The following PRR23C variants were observed in gnomAD, a reference collection of about 807,000 sequenced individuals.
PRR23C encodes proline rich 23C.
PRR23C carries 1 observed loss-of-function variant against 0.1 expected under a neutral mutation model. That is an observed-to-expected ratio of 6.80 (90% confidence interval 2.41 to 32.24). The LOEUF (loss-of-function observed/expected upper bound fraction) is 32.24, where lower values mean the gene tolerates loss of function less well. Ranked by LOEUF, PRR23C falls within the 30% of genes most tolerant of loss-of-function variation. The pLI, the probability that PRR23C is intolerant of heterozygous loss-of-function variation, is 0.11. For missense variants in PRR23C, 361 were observed against 370.4 expected (o/e 0.97, Z 0.21); for synonymous variants, 172 against 168.1 (o/e 1.02, Z -0.18).
the PRR23C span, chr3:139,044,384 C>CACCA: frequency 2.5e-6 from 4 of 1,583,466 alleles, no homozygotes; most frequent in Admixed American, 7.3e-5. The surrounding 1 kb of genome is among the most constrained non-coding windows in gnomAD (Gnocchi z 7.5). Context: ...CGAGCTCCAG[C>CACCA]ACCAGGTCGA....
Position 139,044,233 on chromosome 3 carries a change from C to G in PRR23C, c.388G>C (p.Ala130Pro). 1 of 1,610,954 alleles carries G rather than the reference C, an allele frequency of 6.2e-7. No homozygotes were observed. Among genetic ancestry groups the G allele is most frequent in the Non-Finnish European group, 8.5e-7 (1 of 1,178,576 alleles). The change falls in exon 1 of 1, where the codon GCT becomes CCT. Residue 130 changes from alanine (A) to proline (P), a missense_variant. Ala to Pro is a conservative substitution (Grantham distance 27, BLOSUM62 -1). Coordinates refer to ENST00000413199, the MANE Select transcript of PRR23C (RefSeq NM_001134657.1). This position sits in a 1 kb window ranked among gnomAD's most constrained non-coding sequence, Gnocchi z 7.5. The stretch of plus-strand genomic sequence containing the variant: ...TCGACGACGACGTCTTCCCCGTGAG[C>G]GCCCAGGAAAACGTCCACTTCCAGG... ...AGLEVDVFLG[A>P]HGEDVVVEQE...
Position 139,043,818 on chromosome 3 carries a change from T to C in PRR23C, c.*14A>G, listed in dbSNP as rs1157948081. 4 of 1,514,528 alleles carry C rather than the reference T, an allele frequency of 2.6e-6. No individual in the cohort carries two copies. Among genetic ancestry groups the C allele is most frequent in the African/African-American group, 1.4e-5 (1 of 71,770 alleles). 93.8% of individuals were successfully genotyped at this position (1,514,528 alleles called of 1,614,324 possible). On this transcript the variant is annotated 3_prime_UTR_variant, in exon 1 of 1. Coordinates refer to ENST00000413199, the MANE Select transcript of PRR23C (RefSeq NM_001134657.1). ...TGGAGCCCAGCAGGGTGGCAAGGGA[T>C]TGTGGGAGGCAACTCATTCCTGGAA...
chr3:139,044,707 G>GT lies in PRR23C; in HGVS notation c.-88dup. ...TCGGGGCGGCGAAGTCCTCTTTGAGGTAACAGGTGTCGGCAGGACCGCGCG... is the reference window on the plus strand; with the variant it reads ...TCGGGGCGGCGAAGTCCTCTTTGAGGTTAACAGGTGTCGGCAGGACCGCGCG... On this transcript the variant is annotated 5_prime_UTR_variant, in exon 1 of 1. Coordinates refer to ENST00000413199, the MANE Select transcript of PRR23C (RefSeq NM_001134657.1). This position sits in a 1 kb window ranked among gnomAD's most constrained non-coding sequence, Gnocchi z 7.5. The GT allele has an allele frequency of 7.3e-7, 1 of 1,376,970 alleles. No individual in the cohort carries two copies. Among genetic ancestry groups the GT allele is most frequent in the Non-Finnish European group, 9.5e-7 (1 of 1,055,156 alleles). The allele number at this position is 1,376,970 out of a possible 1,614,324, so 85.3% of individuals were successfully genotyped here.
At position 139,042,425 on chromosome 3, in the gene PRR23C, G is replaced by T. The variant is rs1448428133; in HGVS notation, c.*1407C>A. ...AAGCAAAAATTCAACAGTTTTTCAT[G>T]ATCTGAAAGACTGAAAATTAACTGC... is the stretch of plus-strand genomic sequence containing the variant. On this transcript the variant is annotated 3_prime_UTR_variant, in exon 1 of 1. Coordinates refer to ENST00000413199, the MANE Select transcript of PRR23C (RefSeq NM_001134657.1). The T allele has an allele frequency of 1.3e-5, 2 of 152,122 alleles. No homozygotes were observed. The highest frequency in any genetic ancestry group is 2.4e-5 in the African/African-American group (1 of 41,418). The allele number at this position is 152,122 out of a possible 1,614,324, so 9.4% of individuals were successfully genotyped here. A position where few individuals can be genotyped will look rare whatever the true frequency, so the allele number is the denominator to read the frequency against.
rs1559943298 is a variant in PRR23C, at chr3:139,044,029, A to T, written c.592T>A (p.Cys198Ser). ...PYREGPIRGPCALAPNPSSER... is the reference protein window; with the variant it reads ...PYREGPIRGPSALAPNPSSER... ...GAACTGGGGTTGGGGGCCAGAGCACAGGGCCCTCGGATGGGGCCCTCCCGG... is the reference window on the plus strand; with the variant it reads ...GAACTGGGGTTGGGGGCCAGAGCACTGGGCCCTCGGATGGGGCCCTCCCGG... Residue 198 changes from cysteine (C) to serine (S), a missense_variant, in exon 1 of 1, where the codon TGT (cysteine) becomes AGT (serine). Physicochemically the swap from Cys to Ser is moderately radical, Grantham distance 112. Coordinates refer to ENST00000413199, the MANE Select transcript of PRR23C (RefSeq NM_001134657.1). This position sits in a 1 kb window ranked among gnomAD's most constrained non-coding sequence, Gnocchi z 7.5. 6.2e-7 allele frequency: 1 copy of T among 1,613,536 alleles called. No individual in the cohort carries two copies. The highest frequency in any genetic ancestry group is 1.1e-5 in the South Asian group (1 of 90,960).
Position 139,044,649 on chromosome 3 carries a change from C to T in PRR23C, c.-29G>A. On this transcript the variant is annotated 5_prime_UTR_variant, in exon 1 of 1. Coordinates refer to ENST00000413199, the MANE Select transcript of PRR23C (RefSeq NM_001134657.1). This position sits in a 1 kb window ranked among gnomAD's most constrained non-coding sequence, Gnocchi z 7.5. ...CTCGACGGCGCTGCGGACGGCGCTCCTGGGCCTGGCAGGGGACGTGGGTGC... is the reference window on the plus strand; with the variant it reads ...CTCGACGGCGCTGCGGACGGCGCTCTTGGGCCTGGCAGGGGACGTGGGTGC... The T allele has an allele frequency of 2.7e-6, 4 of 1,463,778 alleles. No individual in the cohort carries two copies. The highest frequency in any genetic ancestry group is 1.5e-5 in the African/African-American group (1 of 67,534). The allele number at this position is 1,463,778 out of a possible 1,614,324, so 90.7% of individuals were successfully genotyped here.
chr3:139,043,801 A>G lies in PRR23C; in HGVS notation c.*31T>C. Reference sequence around the variant, plus strand: ...ATCAGGAGACGGTCTCCTGGAGCCCAGCAGGGTGGCAAGGGATTGTGGGAG... The same window carrying G: ...ATCAGGAGACGGTCTCCTGGAGCCCGGCAGGGTGGCAAGGGATTGTGGGAG... On this transcript the variant is annotated 3_prime_UTR_variant, in exon 1 of 1. Coordinates refer to ENST00000413199, the MANE Select transcript of PRR23C (RefSeq NM_001134657.1). The G allele has an allele frequency of 6.7e-7, 1 of 1,494,934 alleles. No individual in the cohort carries two copies. 92.6% of individuals were successfully genotyped at this position (1,494,934 alleles called of 1,614,324 possible). A position where few individuals can be genotyped will look rare whatever the true frequency, so the allele number is the denominator to read the frequency against.
Position 139,044,072 on chromosome 3 carries a change from T to C in PRR23C, c.549A>G (p.Arg183=). 1 of 1,613,504 alleles carries C rather than the reference T, an allele frequency of 6.2e-7. No homozygotes were observed. The highest frequency in any genetic ancestry group is 8.5e-7 in the Non-Finnish European group (1 of 1,179,720). The change falls in exon 1 of 1, where the codon AGA becomes AGG. Residue 183 remains arginine, a synonymous_variant. Transcript: ENST00000413199. This position sits in a 1 kb window ranked among gnomAD's most constrained non-coding sequence, Gnocchi z 7.5. The part of the protein sequence containing the change: ...GSAAGLYPSA[R]SMFSPYREGP... The stretch of plus-strand genomic sequence containing the variant: ...CCTCCCGGTAGGGGCTGAACATACT[T>C]CTAGCGGAGGGGTAGAGCCCAGCGG...
Position 139,043,820 on chromosome 3 carries a change from G to A in PRR23C, c.*12C>T. The stretch of plus-strand genomic sequence containing the variant: ...GAGCCCAGCAGGGTGGCAAGGGATT[G>A]TGGGAGGCAACTCATTCCTGGAACA... On this transcript the variant is annotated 3_prime_UTR_variant, in exon 1 of 1. Transcript: ENST00000413199. 1.3e-6 allele frequency: 2 copies of A among 1,518,442 alleles called. No homozygotes were observed. 94.1% of individuals were successfully genotyped at this position (1,518,442 alleles called of 1,614,324 possible).
In PRR23C at chr3:139,043,242, A is replaced by G. The variant is rs529698776; in HGVS notation, c.*590T>C. ...ATTTGCTAAACCAATCATGAAAAAA[A>G]GGAGGGTACATGATCATTATTCCCA... On this transcript the variant is annotated 3_prime_UTR_variant, in exon 1 of 1. Coordinates refer to ENST00000413199, the MANE Select transcript of PRR23C (RefSeq NM_001134657.1). 1 of 152,354 alleles carries G rather than the reference A, an allele frequency of 6.6e-6. No homozygotes were observed. Among genetic ancestry groups the G allele is most frequent in the East Asian group, 1.9e-4 (1 of 5,194 alleles). The allele number at this position is 152,354 out of a possible 1,614,324, so 9.4% of individuals were successfully genotyped here. A position where few individuals can be genotyped will look rare whatever the true frequency, so the allele number is the denominator to read the frequency against.
rs1937173898 is a variant in PRR23C at position 139,044,138 on chromosome 3, A to G, written c.483T>C (p.Ser161=). The G allele has an allele frequency of 6.2e-7, 1 of 1,612,972 alleles. No homozygotes were observed. The highest frequency in any genetic ancestry group is 1.3e-5 in the African/African-American group (1 of 74,940). ...AGTCCATCCAGAGCTCCGGGAACTC[A>G]GAGTCCGCGTCCTCCTCGTAGGCCT... ...EEEAYEEDAD[S]EFPELWMDSA... Residue 161 remains serine, a synonymous_variant, in exon 1 of 1, where the codon TCT becomes TCC. Transcript: ENST00000413199. The surrounding 1 kb of genome is among the most constrained non-coding windows in gnomAD (Gnocchi z 7.5).
the PRR23C span, chr3:139,044,052 C>CGGTAG: frequency 6.2e-7 from 1 of 1,613,532 alleles, no homozygotes; most frequent in Non-Finnish European, 8.5e-7. The surrounding 1 kb of genome is among the most constrained non-coding windows in gnomAD (Gnocchi z 7.5). Flanking sequence ...GGGGCCCTCC[C>CGGTAG]GGTAGGGGCT....
chr3:139,043,913 AGAGG>A, the PRR23C span: 1 of 1,595,834 alleles, frequency 6.3e-7, no homozygotes. Flanking sequence ...CTGGACTCGG[AGAGG>A]GAGGTAGAGG....
rs775249376 is a variant in PRR23C, at chr3:139,044,403, A to G, written c.218T>C (p.Leu73Pro). 6.4e-7 allele frequency: 1 copy of G among 1,571,512 alleles called. No individual in the cohort carries two copies. The highest frequency in any genetic ancestry group is 1.2e-5 in the South Asian group (1 of 85,608). The change falls in exon 1 of 1, where the codon CTG becomes CCG. Residue 73 changes from leucine to proline, a missense_variant. Coordinates refer to ENST00000413199, the MANE Select transcript of PRR23C (RefSeq NM_001134657.1). This position sits in a 1 kb window ranked among gnomAD's most constrained non-coding sequence, Gnocchi z 7.5. ...LDAGCALRVP[L>P]EDVDLVLELA... is the part of the protein sequence containing the mutation. The stretch of plus-strand genomic sequence containing the variant: ...CTCCAGCACCAGGTCGACGTCCTCC[A>G]GGGGCACACGCAGGGCACAGCCCGC...
rs1438685996 is a variant in PRR23C, at chr3:139,043,826, G to A, written c.*6C>T. On this transcript the variant is annotated 3_prime_UTR_variant, in exon 1 of 1. Transcript: ENST00000413199. ...AGCAGGGTGGCAAGGGATTGTGGGA[G>A]GCAACTCATTCCTGGAACAGGCGTC... 3.4e-5 allele frequency: 52 copies of A among 1,522,478 alleles called. No homozygotes were observed. The highest frequency in any genetic ancestry group is 4.3e-5 in the Non-Finnish European group (49 of 1,134,984). The allele number at this position is 1,522,478 out of a possible 1,614,324, so 94.3% of individuals were successfully genotyped here.
rs776258606 is a variant in PRR23C at position 139,044,226 on chromosome 3, C to T, written c.395G>A (p.Gly132Glu). 3 of 1,611,404 alleles carry T rather than the reference C, an allele frequency of 1.9e-6. No homozygotes were observed. In the South Asian group the frequency reaches 3.3e-5, roughly 18 times the overall value. The change falls in exon 1 of 1, where the codon GGG (glycine) becomes GAG (glutamate). Residue 132 changes from glycine (G) to glutamate (E), a missense_variant. Coordinates refer to ENST00000413199, the MANE Select transcript of PRR23C (RefSeq NM_001134657.1). The surrounding 1 kb of genome is among the most constrained non-coding windows in gnomAD (Gnocchi z 7.5). Reference sequence around the variant, plus strand: ...TTCCTGCTCGACGACGACGTCTTCCCCGTGAGCGCCCAGGAAAACGTCCAC... The same window carrying T: ...TTCCTGCTCGACGACGACGTCTTCCTCGTGAGCGCCCAGGAAAACGTCCAC... The part of the protein sequence containing the change: ...LEVDVFLGAH[G>E]EDVVVEQEVC...
Position 139,044,626 on chromosome 3 carries a change from C to T in PRR23C, c.-6G>A. ...CTGCAGGGCCGGCTGCCCATCACCT[C>T]GACGGCGCTGCGGACGGCGCTCCTG... On this transcript the variant is annotated 5_prime_UTR_variant, in exon 1 of 1. Coordinates refer to ENST00000413199, the MANE Select transcript of PRR23C (RefSeq NM_001134657.1). The surrounding 1 kb of genome is among the most constrained non-coding windows in gnomAD (Gnocchi z 7.5). 2 of 1,494,536 alleles carry T rather than the reference C, an allele frequency of 1.3e-6. No individual in the cohort carries two copies. The allele number at this position is 1,494,536 out of a possible 1,614,324, so 92.6% of individuals were successfully genotyped here.
chr3:139,043,768 C>A lies in PRR23C; in HGVS notation c.*64G>T. On this transcript the variant is annotated 3_prime_UTR_variant, in exon 1 of 1. Coordinates refer to ENST00000413199, the MANE Select transcript of PRR23C (RefSeq NM_001134657.1). ...CCTTGTAGGTTGCGCAACATACACA[C>A]AACGGCTATCAGGAGACGGTCTCCT... The A allele has an allele frequency of 7.1e-7, 1 of 1,408,468 alleles. No individual in the cohort carries two copies. The highest frequency in any genetic ancestry group is 1.5e-5 in the South Asian group (1 of 67,586). The allele number at this position is 1,408,468 out of a possible 1,614,324, so 87.2% of individuals were successfully genotyped here.
rs1937168630 is a variant in PRR23C at position 139,043,906 on chromosome 3, G to T, written c.715C>A (p.Pro239Thr). Residue 239 changes from proline (P) to threonine (T), a missense_variant, in exon 1 of 1, where the codon CCA becomes ACA. Transcript: ENST00000413199. ...AGCTCCGGGCGCGCGTGGGGACCTG[G>T]ACTCGGAGAGGGAGGTAGAGGTTGG... The part of the protein sequence containing the change: ...PLQPLPPSPS[P>T]GPHARPELPE... The T allele has an allele frequency of 6.3e-7, 1 of 1,591,774 alleles. No individual in the cohort carries two copies. The highest frequency in any genetic ancestry group is 1.1e-5 in the South Asian group (1 of 87,914).
Sources: allele counts gnomAD v4.1 joint callset, GRCh38; gene constraint gnomAD v4.1.1; non-coding constraint Gnocchi (gnomAD v3.1); transcripts MANE v1.5; gene names NCBI Gene and HGNC (gene_info 2026-07-23, HGNC 2026-07-21).